Variants in ABLIM3 observed in about 807,000 individuals in gnomAD.
ABLIM3 encodes the protein actin-binding LIM protein 3.
In ABLIM3, 61 loss-of-function variants were observed where a neutral mutation model predicts 109.5. The observed-to-expected ratio is 0.56, with a 90% CI of 0.45 to 0.69. The LOEUF (loss-of-function observed/expected upper bound fraction) is 0.69, where lower values mean the gene tolerates loss of function less well. Ranked by LOEUF, ABLIM3 falls within the 30% of genes least tolerant of loss-of-function variation. The pLI is 0.00. For synonymous variants in ABLIM3, 300 were observed against 324.8 expected, an observed-to-expected ratio of 0.92 and a Z score of 0.82; for missense variants, 796 against 889.5, an observed-to-expected ratio of 0.89 and a Z score of 1.34.
intron 3 of ABLIM3, among the ~76,000 whole-genome samples, chr5:149,194,433 A>C (rs1227325316): frequency 1.3e-5 from 2 of 152,214 alleles, no homozygotes; most frequent in Admixed American, 6.5e-5. Context: ...GGGAAGGTAA[A>C]TAGGAAAAGC....
In ABLIM3 at chr5:149,210,745, G is replaced by C. The variant is rs894763395; in HGVS notation, c.595G>C (p.Glu199Gln). ...TTGCAGGGATGGTGTTCCATACTGT[G>C]AGTCCGACTACCATGCCCAGTTTGG... ...YISKDGVPYC[E>Q]SDYHAQFGIK... The change falls in exon 7 of 24, where the codon GAG becomes CAG. Residue 199 changes from glutamate to glutamine, a missense_variant. By Grantham distance (29) the Glu-to-Gln change is conservative (BLOSUM62 2). Transcript: ENST00000309868. The C allele has an allele frequency of 1.7e-5, 27 of 1,613,962 alleles. No homozygotes were observed. Among genetic ancestry groups the C allele is most frequent in the Non-Finnish European group, 2.1e-5 (25 of 1,179,986 alleles).
intron 9 of ABLIM3, 41 bp downstream of exon 9, chr5:149,230,748 G>C: frequency 6.2e-7 from 1 of 1,607,894 alleles, no homozygotes; most frequent in Admixed American, 1.7e-5. Flanking sequence ...CTCCTGCTTT[G>C]CTACTTTCTG....
rs1758144034 is a variant in ABLIM3, at chr5:149,198,099, C to T, written c.152-120C>T. On this transcript the variant is annotated intron_variant, in intron 3 of 23. Transcript: ENST00000309868. This position sits in a 1 kb window ranked among gnomAD's most constrained non-coding sequence, Gnocchi z 4.2. ...CCAAAGGCCTGTGAAGTCTGACATGCTACCATTCTGTGGCCACTCATGACA... is the reference window on the plus strand; with the variant it reads ...CCAAAGGCCTGTGAAGTCTGACATGTTACCATTCTGTGGCCACTCATGACA... 1 of 872,212 alleles carries T rather than the reference C, an allele frequency of 1.1e-6. No homozygotes were observed. Among genetic ancestry groups the T allele is most frequent in the Non-Finnish European group, 1.8e-6 (1 of 560,488 alleles). The allele number at this position is 872,212 out of a possible 1,614,324, so 54.0% of individuals were successfully genotyped here.
intron 2 of ABLIM3, among the ~76,000 whole-genome samples, chr5:149,177,290 A>G (rs1384553410): frequency 2.0e-5 from 3 of 152,212 alleles, no homozygotes; most frequent in Non-Finnish European, 4.4e-5. Context: ...CAATGTGGTG[A>G]CACCTGCATG....
intron 2 of ABLIM3, among the ~76,000 whole-genome samples, chr5:149,142,607 G>A (rs554933017): frequency 6.6e-6 from 1 of 152,306 alleles, no homozygotes; most frequent in East Asian, 1.9e-4. Flanking sequence ...TCTGGAGATT[G>A]TGAAAGATCC....
At chr5:149,179,829 T>C (rs1756302956) in intron 2 of ABLIM3, among the ~76,000 whole-genome samples, 1 of 152,204 alleles carries the variant, frequency 6.6e-6, no homozygotes, top group Non-Finnish European at 1.5e-5. Context: ...TCACACTAGC[T>C]ACATTTCAAG....
chr5:149,223,519 C>T (rs1385252799), intron 8 of ABLIM3, among the ~76,000 whole-genome samples: 1 of 152,192 alleles, frequency 6.6e-6, no homozygotes, highest in Non-Finnish European at 1.5e-5. Flanking sequence ...TTGATCAGCT[C>T]ACAGAACTAA....
intron 8 of ABLIM3, among the ~76,000 whole-genome samples, chr5:149,225,976 GTGTGTGTA>G (rs1317686542): frequency 2.5e-3 from 95 of 38,512 alleles, no homozygotes; most frequent in African/African-American, 5.8e-3. Flanking sequence ...GTGTGTGTGT[GTGTGTGTA>G]TATATATATA....
At chr5:149,154,563 A>G (rs923298590) in intron 2 of ABLIM3, among the ~76,000 whole-genome samples, 1 of 152,208 alleles carries the variant, frequency 6.6e-6, no homozygotes, top group Non-Finnish European at 1.5e-5. Flanking sequence ...AATGTTTTAC[A>G]TCTATTATTT....
chr5:149,207,284 T>A (rs964417124), intron 6 of ABLIM3, 150 bp downstream of exon 6: 2 of 1,292,632 alleles, frequency 1.5e-6, no homozygotes, highest in Non-Finnish European at 1.0e-6. Context: ...CCCAGCAGCC[T>A]CTTTCCCCCG....
intron 8 of ABLIM3, among the ~76,000 whole-genome samples, chr5:149,221,548 C>T (rs1760654204): frequency 6.6e-6 from 1 of 152,102 alleles, no homozygotes; most frequent in African/African-American, 2.4e-5. Flanking sequence ...ACTTCTGGGG[C>T]CCCAGGAGAC....
At chr5:149,190,375 A>G (rs1420005790) in intron 3 of ABLIM3, among the ~76,000 whole-genome samples, 1 of 152,206 alleles carries the variant, frequency 6.6e-6, no homozygotes, top group African/African-American at 2.4e-5. Context: ...TGTGAATTGT[A>G]TCTCATTAAA....
At chr5:149,247,496 T>G in intron 17 of ABLIM3, 16 of 564,764 alleles carry the variant, frequency 2.8e-5, no homozygotes, top group East Asian at 7.1e-5. Context: ...TATCTGCCCA[T>G]TGTTGAATCA....
chr5:149,183,521 A>G lies in ABLIM3; in HGVS notation c.83A>G (p.Asp28Gly), dbSNP rs781592953. 6.2e-7 allele frequency: 1 copy of G among 1,600,224 alleles called. No individual in the cohort carries two copies. The highest frequency in any genetic ancestry group is 2.3e-5 in the East Asian group (1 of 43,408). The change falls in exon 3 of 24, where the codon GAC (aspartate) becomes GGC (glycine). Residue 28 changes from aspartate to glycine, a missense_variant. Coordinates refer to ENST00000309868, the MANE Select transcript of ABLIM3 (RefSeq NM_014945.5). ...SNVIQCYRCG[D>G]TCKGEVVRVH... ...GTCATCCAGTGCTACCGCTGTGGAG[A>G]CACCTGCAAAGGGGAAGTGGTCCGC...
At chr5:149,195,719 T>A (rs1757903558) in intron 3 of ABLIM3, among the ~76,000 whole-genome samples, 1 of 152,216 alleles carries the variant, frequency 6.6e-6, no homozygotes, top group Non-Finnish European at 1.5e-5. Flanking sequence ...TTCCACCACC[T>A]GCACGGCCCA....
chr5:149,254,605 C>T (rs766738845), intron 23 of ABLIM3, among the ~76,000 whole-genome samples: 44 of 152,152 alleles, frequency 2.9e-4, no homozygotes, highest in Admixed American at 6.5e-5. Context: ...TGTACGTTAG[C>T]CAGGAAGCTC....
Position 149,198,199 on chromosome 5 carries a change from T to A in ABLIM3, c.152-20T>A. On this transcript the variant is annotated intron_variant, in intron 3 of 23. Coordinates refer to ENST00000309868, the MANE Select transcript of ABLIM3 (RefSeq NM_014945.5). The surrounding 1 kb of genome is among the most constrained non-coding windows in gnomAD (Gnocchi z 4.2). ...CTCCCTGGACTCAACCTGCCCTTGTTTTCCTCCTTGTTCCCCAAGTATGTG... is the reference window on the plus strand; with the variant it reads ...CTCCCTGGACTCAACCTGCCCTTGTATTCCTCCTTGTTCCCCAAGTATGTG... The A allele has an allele frequency of 1.9e-6, 3 of 1,601,246 alleles. No homozygotes were observed. The highest frequency in any genetic ancestry group is 1.7e-6 in the Non-Finnish European group (2 of 1,173,392).
intron 2 of ABLIM3, among the ~76,000 whole-genome samples, chr5:149,159,470 A>G (rs1754133432): frequency 6.6e-6 from 1 of 152,230 alleles, no homozygotes; most frequent in Non-Finnish European, 1.5e-5. Context: ...ACATTTGTCA[A>G]AACTTATTGT....
rs148443778 is a variant in ABLIM3 at position 149,230,771 on chromosome 5, G to A, written c.816+64G>A. 173 of 1,579,880 alleles carry A rather than the reference G, an allele frequency of 1.1e-4. 1 individual carries two copies. In the East Asian group the frequency reaches 3.4e-3, roughly 31 times the overall value. On this transcript the variant is annotated intron_variant, in intron 9 of 23. Coordinates refer to ENST00000309868, the MANE Select transcript of ABLIM3 (RefSeq NM_014945.5). ...TTGCTACTTTCTGCCACAGGCTAAG[G>A]GAGCTGTGCTTTGGGACAGGGTCAG... is the stretch of plus-strand genomic sequence containing the variant.
Sources: gnomAD v4.1 joint callset for allele counts (sites outside exome capture counted in the v4.1 genomes callset) on GRCh38, gnomAD v4.1.1 for gene constraint, Gnocchi (gnomAD v3.1) non-coding constraint, MANE v1.5 for transcripts, NCBI Gene and HGNC (gene_info 2026-07-23, HGNC 2026-07-21) for gene names.